The following UGT1A8 variants were observed in gnomAD, a reference collection of about 807,000 sequenced individuals.
UGT1A8 encodes the protein UDP-glucuronosyltransferase 1A8.
UGT1A8 carries 39 observed loss-of-function variants against 45.3 expected under a neutral mutation model. The ratio of observed to expected loss-of-function variants is 0.86; its 90% confidence interval spans 0.67 to 1.12. The LOEUF is 1.12. Ranked by LOEUF, UGT1A8 falls within the 50% of genes most tolerant of loss-of-function variation. UGT1A8 has a pLI of 0.00. For missense variants in UGT1A8, 719 were observed against 664.9 expected, an observed-to-expected ratio of 1.08 and a Z score of -0.90; for synonymous variants, 275 against 249.2, an observed-to-expected ratio of 1.10 and a Z score of -0.97.
intron 1 of UGT1A8, among the ~76,000 whole-genome samples, chr2:233,724,736 C>A (rs1232972283): frequency 7.0e-6 from 1 of 142,768 alleles, no homozygotes; most frequent in African/African-American, 2.6e-5. Flanking sequence ...GGCAGAGGGG[C>A]TCCTCACATC....
intron 1 of UGT1A8, among the ~76,000 whole-genome samples, chr2:233,724,139 G>A (rs2077174817): frequency 8.1e-6 from 1 of 123,450 alleles, no homozygotes; most frequent in South Asian, 2.8e-4. Context: ...TCCCGGACGG[G>A]GCGGCTGGCC....
At position 233,769,586 on chromosome 2, in the gene UGT1A8, A is replaced by G; in HGVS notation, c.1295+1147A>G. ...AAGAGCTGGAGCATGTTCAGATGAG[A>G]GGAGACGGAACACGGGGACACACCA... On this transcript the variant is annotated intron_variant, in intron 4 of 4. Transcript: ENST00000373450. This position sits in a 1 kb window ranked among gnomAD's most constrained non-coding sequence, Gnocchi z 4.4. 2.5e-6 allele frequency: 4 copies of G among 1,612,900 alleles called. No individual in the cohort carries two copies. The highest frequency in any genetic ancestry group is 3.4e-6 in the Non-Finnish European group (4 of 1,179,882).
chr2:233,670,689 A>G (rs764664853), intron 1 of UGT1A8, among the ~76,000 whole-genome samples: 1 of 152,156 alleles, frequency 6.6e-6, no homozygotes, highest in Non-Finnish European at 1.5e-5. Flanking sequence ...TTGAAAGACC[A>G]TATCCCCCAC....
chr2:233,692,909 GA>G, intron 1 of UGT1A8: 1 of 1,555,664 alleles, frequency 6.4e-7, no homozygotes, highest in Non-Finnish European at 8.6e-7. Context: ...CAGGACCTGT[GA>G]AAAGCAGTGG....
chr2:233,662,608 G>C (rs912057070), intron 1 of UGT1A8, among the ~76,000 whole-genome samples: 1 of 152,100 alleles, frequency 6.6e-6, no homozygotes, highest in Non-Finnish European at 1.5e-5. Flanking sequence ...TTCAGATCTG[G>C]ATATTTTAAA....
chr2:233,617,734 C>G lies in UGT1A8; in HGVS notation c.27C>G (p.Pro9=), dbSNP rs766968241. Residue 9 remains proline (P), a synonymous_variant, in exon 1 of 5, where the codon CCC becomes CCG. Transcript: ENST00000373450. MARTGWTS[P]IPLCVSLLLT... ...TGGCTCGCACAGGGTGGACCAGCCC[C>G]ATTCCCCTATGTGTTTCTCTGCTGC... 3 of 1,613,944 alleles carry G rather than the reference C, an allele frequency of 1.9e-6. No individual in the cohort carries two copies. The highest frequency in any genetic ancestry group is 2.5e-6 in the Non-Finnish European group (3 of 1,179,992).
At chr2:233,648,119 A>G (rs1236223089) in intron 1 of UGT1A8, 4 of 1,400,646 alleles carry the variant, frequency 2.9e-6, no homozygotes, top group Non-Finnish European at 3.9e-6. Flanking sequence ...GCTTTTGCCA[A>G]TGCTCAATGG....
chr2:233,691,768 T>G (rs1302054982), intron 1 of UGT1A8: 1 of 382,122 alleles, frequency 2.6e-6, no homozygotes, highest in Non-Finnish European at 3.6e-6. Flanking sequence ...TGCTCTAGGA[T>G]TCTCACCACG....
intron 1 of UGT1A8, among the ~76,000 whole-genome samples, chr2:233,643,516 C>T (rs1438475435): frequency 6.6e-6 from 1 of 152,066 alleles, no homozygotes; most frequent in African/African-American, 2.4e-5. Flanking sequence ...ATCAGGGACC[C>T]CAAAAGCCCT....
At chr2:233,685,111 T>G (rs2074723100) in intron 1 of UGT1A8, among the ~76,000 whole-genome samples, 1 of 152,096 alleles carries the variant, frequency 6.6e-6, no homozygotes, top group African/African-American at 2.4e-5. Context: ...TCTTATTGAG[T>G]CTATCCAGGT....
intron 1 of UGT1A8, chr2:233,750,809 A>C (rs893471705): frequency 1.3e-5 from 2 of 151,828 alleles, no homozygotes; most frequent in African/African-American, 4.9e-5. Context: ...AGGTTTGGGA[A>C]CCTCCACATA....
chr2:233,692,548 A>G (rs904295361), intron 1 of UGT1A8, among the ~76,000 whole-genome samples: 3 of 152,216 alleles, frequency 2.0e-5, no homozygotes, highest in African/African-American at 7.2e-5. Context: ...TCAGAATGGA[A>G]TTGAATTGTA....
Position 233,693,653 on chromosome 2 carries a change from T to A in UGT1A8, c.856-73381T>A, listed in dbSNP as rs1169915380. On this transcript the variant is annotated intron_variant, in intron 1 of 4. Coordinates refer to ENST00000373450, the MANE Select transcript of UGT1A8 (RefSeq NM_019076.5). Reference sequence around the variant, plus strand: ...AGTGGCCAACTTCCTTGTTAATTTGTTGGAGCCCTATCTATTTTATTGTCT... The same window carrying A: ...AGTGGCCAACTTCCTTGTTAATTTGATGGAGCCCTATCTATTTTATTGTCT... The A allele has an allele frequency of 1.9e-6, 3 of 1,614,138 alleles. No homozygotes were observed. In the African/African-American group the frequency reaches 4.0e-5, roughly 22 times the overall value.
At chr2:233,757,332 C>A (rs1696493928) in intron 1 of UGT1A8, among the ~76,000 whole-genome samples, 1 of 150,622 alleles carries the variant, frequency 6.6e-6, no homozygotes, top group Non-Finnish European at 1.5e-5. Flanking sequence ...TGAAATGGGA[C>A]CATGACAGCT....
chr2:233,770,455 A>T (rs903654050), intron 4 of UGT1A8: 7 of 152,170 alleles, frequency 4.6e-5, no homozygotes, highest in African/African-American at 1.7e-4. Context: ...GGAGTTCGAA[A>T]CCAACCTGAC....
In UGT1A8 at chr2:233,637,156, G is replaced by A. The variant is rs139087628; in HGVS notation, c.855+18594G>A. On this transcript the variant is annotated intron_variant, in intron 1 of 4. Coordinates refer to ENST00000373450, the MANE Select transcript of UGT1A8 (RefSeq NM_019076.5). The stretch of plus-strand genomic sequence containing the variant: ...CAAGGAGAGAGTATGGAACCACATC[G>A]TGCACTTGGAGGACCATTTATTTTG... The A allele has an allele frequency of 5.5e-5, 89 of 1,613,912 alleles. No homozygotes were observed. The African/African-American group carries it at 6.7e-4, about 12-fold the overall frequency.
At chr2:233,738,377 G>A (rs1404110801) in intron 1 of UGT1A8, among the ~76,000 whole-genome samples, 2 of 152,188 alleles carry the variant, frequency 1.3e-5, no homozygotes, top group Admixed American at 1.3e-4. Flanking sequence ...AAAACTACTT[G>A]AAAATGTGGA....
intron 1 of UGT1A8, among the ~76,000 whole-genome samples, chr2:233,652,538 C>G (rs1334934578): frequency 6.6e-6 from 1 of 152,238 alleles, no homozygotes. Flanking sequence ...CATTATCATT[C>G]CTCACAAAAT....
intron 1 of UGT1A8, among the ~76,000 whole-genome samples, chr2:233,633,926 G>T (rs1384579698): frequency 6.6e-6 from 1 of 152,092 alleles, no homozygotes; most frequent in Non-Finnish European, 1.5e-5. Context: ...GATCTTTCCT[G>T]CTTTCTCCTG....
Sources: allele counts gnomAD v4.1 joint callset (sites outside exome capture counted in the v4.1 genomes callset), GRCh38; gene constraint gnomAD v4.1.1; non-coding constraint Gnocchi (gnomAD v3.1); transcripts MANE v1.5; gene names NCBI Gene and HGNC (gene_info 2026-07-23, HGNC 2026-07-21).